Variants in EPHA6 observed in about 807,000 individuals in gnomAD.
The protein encoded by EPHA6 is EPH receptor A6, also known as ephrin type-A receptor 6.
A neutral mutation model predicts 112.0 loss-of-function variants in EPHA6; 50 were observed. The observed-to-expected ratio is 0.45, with a 90% CI of 0.36 to 0.56. EPHA6 has a LOEUF of 0.56. Ranked by LOEUF, EPHA6 falls within the 20% of genes least tolerant of loss-of-function variation. The pLI, the probability that EPHA6 is intolerant of heterozygous loss-of-function variation, is 0.00. For synonymous variants in EPHA6, 529 were observed against 490.7 expected, an observed-to-expected ratio of 1.08 and a Z score of -1.03; for missense variants, 1,280 against 1,417.4, an observed-to-expected ratio of 0.90 and a Z score of 1.56.
At chr3:97,412,599 A>G (rs1439554603) in intron 6 of EPHA6, among the ~76,000 whole-genome samples, 12 of 152,084 alleles carry the variant, frequency 7.9e-5, no homozygotes. Context: ...TAAGGAATGA[A>G]TGAGACATTT....
chr3:97,280,464 C>A (rs1015298474), intron 5 of EPHA6, among the ~76,000 whole-genome samples: 1 of 152,096 alleles, frequency 6.6e-6, no homozygotes. Context: ...ACATAAGACT[C>A]ACTAATAATT....
At chr3:97,053,739 G>A (rs917091825) in intron 3 of EPHA6, among the ~76,000 whole-genome samples, 4 of 152,050 alleles carry the variant, frequency 2.6e-5, no homozygotes, top group African/African-American at 9.7e-5. Context: ...AGTTTAAGCA[G>A]ACATTATGCC....
chr3:96,938,856 A>G (rs908637999), intron 2 of EPHA6, among the ~76,000 whole-genome samples: 3 of 152,162 alleles, frequency 2.0e-5, no homozygotes, highest in Non-Finnish European at 4.4e-5. Flanking sequence ...TTCTGCATCT[A>G]TTGAGATAAT....
chr3:97,751,473 G>C lies in EPHA6; in HGVS notation c.*2772G>C, dbSNP rs2035899359. Among the ~76,000 whole-genome samples, 1 of 151,828 alleles carries C rather than the reference G, an allele frequency of 6.6e-6. No individual in the cohort carries two copies. The highest frequency in any genetic ancestry group is 2.4e-5 in the African/African-American group (1 of 41,316). ...TAACTTTGAACTTCATTATGGTTAT[G>C]GCAACATTGAAACATGTGTGCAAGA... On this transcript the variant is annotated 3_prime_UTR_variant, in exon 18 of 18. Transcript: ENST00000389672.
intron 3 of EPHA6, among the ~76,000 whole-genome samples, chr3:97,102,417 G>T (rs1440138904): frequency 6.6e-6 from 1 of 152,050 alleles, no homozygotes; most frequent in Non-Finnish European, 1.5e-5. Context: ...TTAAATGTGG[G>T]TAGGGGGATA....
At chr3:97,010,076 A>T in intron 3 of EPHA6, 1 of 1,290,772 alleles carries the variant, frequency 7.7e-7, no homozygotes, top group Non-Finnish European at 1.0e-6. Flanking sequence ...TGAAGAATAA[A>T]AGAAAAAGCA....
chr3:97,340,901 G>A (rs116401503), intron 5 of EPHA6, among the ~76,000 whole-genome samples: 1 of 152,286 alleles, frequency 6.6e-6, no homozygotes, highest in African/African-American at 2.4e-5. Context: ...ATATAGTCAT[G>A]CTGGAGATTA....
chr3:97,411,769 C>T (rs1438728286), intron 6 of EPHA6, among the ~76,000 whole-genome samples: 4 of 151,932 alleles, frequency 2.6e-5, no homozygotes, highest in African/African-American at 9.7e-5. Flanking sequence ...GATATAAAGA[C>T]CCAAAGAAAC....
chr3:97,210,982 G>T (rs1347401717), intron 3 of EPHA6, among the ~76,000 whole-genome samples: 2 of 152,136 alleles, frequency 1.3e-5, no homozygotes, highest in Non-Finnish European at 2.9e-5. Flanking sequence ...CCATCTCCAT[G>T]GCTGCTTGGT....
intron 5 of EPHA6, among the ~76,000 whole-genome samples, chr3:97,255,613 T>A (rs1167466574): frequency 6.6e-6 from 1 of 152,194 alleles, no homozygotes; most frequent in Non-Finnish European, 1.5e-5. Flanking sequence ...ATGACTAAGC[T>A]GAACCTAATG....
rs866107057 is a variant in EPHA6 at position 97,724,806 on chromosome 3, C to A, written c.2934+4396C>A. ...AAATGCAGTTTTCACTCTCAAAGAA[C>A]CCACTATGTAGGTAATGAGATAAAA... is the stretch of plus-strand genomic sequence containing the variant. On this transcript the variant is annotated intron_variant, in intron 15 of 17. Transcript: ENST00000389672. Among the ~76,000 whole-genome samples, 17 of 151,944 alleles carry A rather than the reference C, an allele frequency of 1.1e-4. No homozygotes were observed. In the Middle Eastern group the frequency reaches 0.014, roughly 122 times the overall value.
chr3:97,302,037 A>G (rs1401348031), intron 5 of EPHA6, among the ~76,000 whole-genome samples: 1 of 152,016 alleles, frequency 6.6e-6, no homozygotes, highest in Non-Finnish European at 1.5e-5. Flanking sequence ...TCTGTTTGCC[A>G]GTTAATGTAC....
Position 97,487,794 on chromosome 3 carries a change from G to T in EPHA6, c.2200+3735G>T, listed in dbSNP as rs201795248. Among the ~76,000 whole-genome samples the T allele has an allele frequency of 5.9e-5, 9 of 152,184 alleles. No individual in the cohort carries two copies. The East Asian group carries it at 1.7e-3, about 29-fold the overall frequency. On this transcript the variant is annotated intron_variant, in intron 10 of 17. Transcript: ENST00000389672. The stretch of plus-strand genomic sequence containing the variant: ...CCATTTAAATGAAGTGAGCAGCTCT[G>T]TTGCATAGGAGACTATCAAGATCAT...
At chr3:97,662,574 TC>T (rs1371011907) in intron 14 of EPHA6, among the ~76,000 whole-genome samples, 7 of 152,152 alleles carry the variant, frequency 4.6e-5, no homozygotes, top group African/African-American at 2.4e-5. Context: ...ATAAATATTC[TC>T]CGCTCCTCCT....
intron 5 of EPHA6, among the ~76,000 whole-genome samples, chr3:97,331,886 A>T (rs1362084332): frequency 2.6e-5 from 4 of 152,184 alleles, no homozygotes; most frequent in Non-Finnish European, 5.9e-5. Flanking sequence ...AAAAAGAGGG[A>T]ATCCTCCCTA....
chr3:96,864,758 T>C (rs2036209796), intron 1 of EPHA6, among the ~76,000 whole-genome samples: 1 of 152,070 alleles, frequency 6.6e-6, no homozygotes, highest in Admixed American at 6.6e-5. Flanking sequence ...AAAAAACACT[T>C]AAACAGGAAT....
At chr3:97,672,271 T>C (rs765037672) in intron 14 of EPHA6, among the ~76,000 whole-genome samples, 1 of 152,238 alleles carries the variant, frequency 6.6e-6, no homozygotes, top group African/African-American at 2.4e-5. Flanking sequence ...CTCTAAAGAA[T>C]GCTGCTTTCT....
intron 14 of EPHA6, among the ~76,000 whole-genome samples, chr3:97,652,629 C>T (rs1423314997): frequency 6.6e-6 from 1 of 151,888 alleles, no homozygotes; most frequent in Non-Finnish European, 1.5e-5. Flanking sequence ...TTCTTTATTG[C>T]TTTGAATATG....
At chr3:96,904,743 G>A (rs1397689295) in intron 2 of EPHA6, among the ~76,000 whole-genome samples, 1 of 152,056 alleles carries the variant, frequency 6.6e-6, no homozygotes, top group Non-Finnish European at 1.5e-5. Context: ...TGTTCAAAAT[G>A]TACAGCAGAT....
Sources: allele counts gnomAD v4.1 joint callset (sites outside exome capture counted in the v4.1 genomes callset), GRCh38; gene constraint gnomAD v4.1.1; transcripts MANE v1.5; gene names NCBI Gene and HGNC (gene_info 2026-07-23, HGNC 2026-07-21).